The following SEC23B variants were observed in gnomAD, a reference collection of about 807,000 sequenced individuals.
SEC23B encodes SEC23 homolog B, COPII component.
SEC23B carries 77 observed loss-of-function variants against 104.3 expected under a neutral mutation model. That is an observed-to-expected ratio of 0.74 (90% confidence interval 0.61 to 0.89). SEC23B has a LOEUF of 0.89. SEC23B is among the 40% of genes least tolerant of loss of function. SEC23B has a pLI of 0.00. For missense variants in SEC23B, 885 were observed against 949.4 expected, an observed-to-expected ratio of 0.93 and a Z score of 0.89; for synonymous variants, 338 against 332.5, an observed-to-expected ratio of 1.02 and a Z score of -0.18.
At position 18,524,337 on chromosome 20, in the gene SEC23B, A is replaced by T. The variant is rs149064525; in HGVS notation, c.367-96A>T. ...CCTTATCTCCTAAAACTAAATATAG[A>T]TGAAGACTTACAATTTTCATACCTA... On this transcript the variant is annotated intron_variant, in intron 4 of 19. Coordinates refer to ENST00000650089, the MANE Select transcript of SEC23B (RefSeq NM_006363.6). 1.1e-4 allele frequency: 96 copies of T among 870,420 alleles called. No individual in the cohort carries two copies. In the African/African-American group the frequency reaches 1.4e-3, roughly 12 times the overall value. The allele number at this position is 870,420 out of a possible 1,614,324, so 53.9% of individuals were successfully genotyped here.
chr20:18,535,822 C>G (rs1458936057), intron 12 of SEC23B, 80 bp downstream of exon 12: 3 of 1,083,064 alleles, frequency 2.8e-6, no homozygotes, highest in Non-Finnish European at 4.3e-6. Context: ...TCTCTGGTTA[C>G]TTTCTTCACA....
At chr20:18,517,176 G>A (rs1193539957) in intron 4 of SEC23B, among the ~76,000 whole-genome samples, 1 of 152,230 alleles carries the variant, frequency 6.6e-6, no homozygotes, top group East Asian at 1.9e-4. Context: ...TGAGCAACAA[G>A]GCTCTTGATT....
intron 14 of SEC23B, among the ~76,000 whole-genome samples, chr20:18,545,469 AT>A (rs2060323805): frequency 1.3e-5 from 2 of 152,234 alleles, no homozygotes; most frequent in South Asian, 2.1e-4. Context: ...GTTTCTTTAA[AT>A]GATGAACAGT....
chr20:18,526,463 A>AAG lies in SEC23B; in HGVS notation c.927_928dup (p.Ile310ArgfsTer18). 1 of 1,614,226 alleles carries AAG rather than the reference A, an allele frequency of 6.2e-7. No homozygotes were observed. Among genetic ancestry groups the AAG allele is most frequent in the African/African-American group, 1.3e-5 (1 of 75,058 alleles). On this transcript the variant is annotated frameshift_variant, in exon 8 of 20. Coordinates refer to ENST00000650089, the MANE Select transcript of SEC23B (RefSeq NM_006363.6). LOFTEE classifies it high-confidence loss of function. ...TGGCATGGTGGTTGGAGATGAATTAAAGATTCCTATTCGTTCTTGGCATGA... is the reference window on the plus strand; with the variant it reads ...TGGCATGGTGGTTGGAGATGAATTAAAGAGATTCCTATTCGTTCTTGGCATGA...
At chr20:18,546,238 G>C (rs949378307) in intron 15 of SEC23B, among the ~76,000 whole-genome samples, 10 of 152,114 alleles carry the variant, frequency 6.6e-5, no homozygotes, top group Non-Finnish European at 1.2e-4. Context: ...GCAGAGGGGA[G>C]AAAACTCATG....
chr20:18,523,439 G>C (rs1185471004), intron 4 of SEC23B, among the ~76,000 whole-genome samples: 2 of 116,496 alleles, frequency 1.7e-5, no homozygotes, highest in East Asian at 2.5e-4. Context: ...GCCTTGCTCT[G>C]TCACCCAGGC....
chr20:18,554,962 TAAAAC>T lies in SEC23B; in HGVS notation c.2149-143_2149-139del. 2.0e-4 allele frequency: 15 copies of T among 73,840 alleles called. 6 individuals carry two copies. Among genetic ancestry groups the T allele is most frequent in the South Asian group, 5.4e-4 (3 of 5,554 alleles). The allele number at this position is 73,840 out of a possible 1,614,324, so 4.6% of individuals were successfully genotyped here. On this transcript the variant is annotated intron_variant, in intron 18 of 19. Coordinates refer to ENST00000650089, the MANE Select transcript of SEC23B (RefSeq NM_006363.6). ...GCTAAAGAAATAGATTACTGTGCAG[TAAAAC>T]AATTCTAATTAGATTACTGTGCAGT...
At chr20:18,554,433 T>C in intron 18 of SEC23B, 43 bp downstream of exon 18, 4 of 1,607,212 alleles carry the variant, frequency 2.5e-6, no homozygotes, top group Non-Finnish European at 3.4e-6. Context: ...GTTCGTTTTA[T>C]GATAGATTGT....
intron 16 of SEC23B, among the ~76,000 whole-genome samples, chr20:18,550,315 C>A (rs1450750757): frequency 6.6e-6 from 1 of 151,862 alleles, no homozygotes. Flanking sequence ...CCACTACAGC[C>A]CGGCTAATTT....
At chr20:18,525,761 G>T (rs1240892779) in intron 6 of SEC23B, 27 bp from the exon 7 acceptor site, 1 of 1,613,866 alleles carries the variant, frequency 6.2e-7, no homozygotes, top group Admixed American at 1.7e-5. Context: ...TTCAATCTGG[G>T]TTGATGTGTC....
chr20:18,552,826 C>CA (rs1476781431), intron 17 of SEC23B, among the ~76,000 whole-genome samples: 3 of 151,714 alleles, frequency 2.0e-5, no homozygotes, highest in African/African-American at 7.3e-5. Flanking sequence ...AAAACAAAAC[C>CA]AAAAAAACAG....
chr20:18,545,631 G>A (rs1201140654), intron 14 of SEC23B, among the ~76,000 whole-genome samples: 1 of 152,178 alleles, frequency 6.6e-6, no homozygotes, highest in East Asian at 1.9e-4. Context: ...TTTTCATGGT[G>A]TTAGAGGGTT....
intron 7 of SEC23B, 73 bp downstream of exon 7, chr20:18,526,005 T>G (rs2060130860): frequency 1.3e-6 from 2 of 1,521,514 alleles, no homozygotes. Context: ...TTGGCTTTGT[T>G]TGAAAATCAC....
At chr20:18,549,560 G>A (rs2060366573) in intron 16 of SEC23B, among the ~76,000 whole-genome samples, 2 of 151,340 alleles carry the variant, frequency 1.3e-5, no homozygotes, top group South Asian at 4.2e-4. Context: ...TAATAAAATA[G>A]ATAAGTCCTT....
chr20:18,539,760 T>C (rs1208904083), intron 12 of SEC23B, among the ~76,000 whole-genome samples: 1 of 151,266 alleles, frequency 6.6e-6, no homozygotes, highest in African/African-American at 2.4e-5. Context: ...TTCTGCTGCC[T>C]CAGCCTCCCG....
At chr20:18,558,277 G>A (rs2060460161) in intron 19 of SEC23B, among the ~76,000 whole-genome samples, 1 of 152,104 alleles carries the variant, frequency 6.6e-6, no homozygotes, top group Admixed American at 6.5e-5. Context: ...GTTTTCCCCT[G>A]TAGAGAAGGT....
chr20:18,553,472 G>A (rs1020974862), intron 17 of SEC23B, among the ~76,000 whole-genome samples: 5 of 152,270 alleles, frequency 3.3e-5, no homozygotes, highest in African/African-American at 9.6e-5. Flanking sequence ...AATAACATGC[G>A]AAAGCACTTC....
intron 11 of SEC23B, among the ~76,000 whole-genome samples, chr20:18,534,306 A>T (rs960484341): frequency 3.3e-5 from 5 of 152,166 alleles, no homozygotes; most frequent in Non-Finnish European, 2.9e-5. Flanking sequence ...TATCTAGTTC[A>T]TATTTTTTTC....
chr20:18,537,307 TCTA>T (rs2060241137), intron 12 of SEC23B, among the ~76,000 whole-genome samples: 1 of 152,066 alleles, frequency 6.6e-6, no homozygotes, highest in Non-Finnish European at 1.5e-5. Flanking sequence ...TTATTGTGGC[TCTA>T]TTCACAATAG....
Sources: gnomAD v4.1 joint callset for allele counts (sites outside exome capture counted in the v4.1 genomes callset) on GRCh38, gnomAD v4.1.1 for gene constraint, MANE v1.5 for transcripts, NCBI Gene and HGNC (gene_info 2026-07-23, HGNC 2026-07-21) for gene names.